The following R3HCC1L variants were observed in gnomAD, a reference collection of about 807,000 sequenced individuals.
R3HCC1L encodes the protein R3H domain and coiled-coil containing 1 like, also known as coiled-coil domain-containing protein R3HCC1L.
In R3HCC1L, 51 loss-of-function variants were observed where a neutral mutation model predicts 59.9. The observed-to-expected ratio is 0.85, with a 90% CI of 0.68 to 1.07. R3HCC1L has a LOEUF of 1.07. R3HCC1L is among the 50% of genes least tolerant of loss of function. The pLI, the probability that R3HCC1L is intolerant of heterozygous loss-of-function variation, is 0.00. For missense variants in R3HCC1L, 965 were observed against 933.0 expected (o/e 1.03, Z -0.45); for synonymous variants, 322 against 315.2 (o/e 1.02, Z -0.23).
intron 5 of R3HCC1L, among the ~76,000 whole-genome samples, chr10:98,220,380 T>C (rs1169828154): frequency 5.5e-5 from 8 of 146,368 alleles, no homozygotes; most frequent in Non-Finnish European, 1.1e-4. Context: ...CTTTTTTTTT[T>C]CCCATCTTTT....
intron 1 of R3HCC1L, among the ~76,000 whole-genome samples, chr10:98,141,378 A>G (rs17109002): frequency 0.041 from 6,272 of 152,236 alleles, 419 homozygotes; most frequent in African/African-American, 0.14. Context: ...ATTGGATTGG[A>G]CCTTCCTTAA....
At chr10:98,229,249 C>T (rs999708744) in intron 5 of R3HCC1L, among the ~76,000 whole-genome samples, 4 of 152,264 alleles carry the variant, frequency 2.6e-5, no homozygotes, top group Admixed American at 6.5e-5. Context: ...TTTGTATCCT[C>T]TTTTATTTCA....
intron 1 of R3HCC1L, among the ~76,000 whole-genome samples, chr10:98,152,409 C>T (rs530681748): frequency 1.4e-3 from 207 of 150,676 alleles, no homozygotes; most frequent in African/African-American, 4.8e-3. Flanking sequence ...TCTGCCTGGC[C>T]GCCCATCGTC....
At position 98,209,114 on chromosome 10, in the gene R3HCC1L, GAGA is replaced by G. The variant is rs770049034; in HGVS notation, c.1005_1007del (p.Lys335del). ...TAGTCCAGTAATGATTAGAGAATGT[GAGA>G]AGAATGACAGCACTGCTGATGAGTT... On this transcript the variant is annotated inframe_deletion, in exon 5 of 10. Transcript: ENST00000298999. 1.3e-5 allele frequency: 21 copies of G among 1,613,954 alleles called. No individual in the cohort carries two copies. Among genetic ancestry groups the G allele is most frequent in the African/African-American group, 4.0e-5 (3 of 74,922 alleles).
intron 6 of R3HCC1L, among the ~76,000 whole-genome samples, 169 bp downstream of exon 6, chr10:98,231,856 G>A (rs1352703466): frequency 1.3e-5 from 2 of 152,110 alleles, no homozygotes; most frequent in Non-Finnish European, 2.9e-5. Flanking sequence ...TTAAACTACT[G>A]TTCTAAGTTC....
intron 4 of R3HCC1L, among the ~76,000 whole-genome samples, chr10:98,194,974 T>G (rs1031773804): frequency 6.6e-6 from 1 of 152,140 alleles, no homozygotes; most frequent in African/African-American, 2.4e-5. Flanking sequence ...GGGTATATAT[T>G]CCGAGGGAAT....
intron 4 of R3HCC1L, among the ~76,000 whole-genome samples, chr10:98,173,257 A>G (rs965214763): frequency 1.3e-5 from 2 of 152,184 alleles, no homozygotes; most frequent in African/African-American, 4.8e-5. Context: ...TTTTGCAGGA[A>G]CATTGAGCCT....
At chr10:98,235,591 C>A in intron 8 of R3HCC1L, 71 bp downstream of exon 8, 1 of 1,129,614 alleles carries the variant, frequency 8.9e-7, no homozygotes, top group Non-Finnish European at 1.3e-6. Context: ...AGTTTTATAG[C>A]ATCCAGACAT....
chr10:98,136,929 G>A (rs1223428363), intron 1 of R3HCC1L, among the ~76,000 whole-genome samples: 1 of 152,224 alleles, frequency 6.6e-6, no homozygotes, highest in Non-Finnish European at 1.5e-5. Context: ...AAGTTTTTGG[G>A]GCTGGGCGCG....
At chr10:98,200,594 T>A (rs1011057088) in intron 4 of R3HCC1L, among the ~76,000 whole-genome samples, 8 of 152,096 alleles carry the variant, frequency 5.3e-5, no homozygotes, top group African/African-American at 1.9e-4. Context: ...ACTTTTGTAG[T>A]ATAGAATCTG....
At chr10:98,149,192 ATGGTCTCACT>A (rs1380527865) in intron 1 of R3HCC1L, among the ~76,000 whole-genome samples, 2 of 152,042 alleles carry the variant, frequency 1.3e-5, no homozygotes, top group African/African-American at 2.4e-5. Context: ...CTTTGTGTTT[ATGGTCTCACT>A]TGGTCTCACT....
Position 98,235,643 on chromosome 10 carries a change from T to C in R3HCC1L, c.2128+123T>C, listed in dbSNP as rs941401375. ...TTTATTTTTAGTGTTAAAAGAAATA[T>C]GTTTTTAAGAAAAAATAAATAAAAG... On this transcript the variant is annotated intron_variant, in intron 8 of 9. Transcript: ENST00000298999. 1.6e-5 allele frequency: 13 copies of C among 794,108 alleles called. No homozygotes were observed. In the Admixed American group the frequency reaches 3.8e-4, roughly 23 times the overall value. 49.2% of individuals were successfully genotyped at this position (794,108 alleles called of 1,614,324 possible). A position where few individuals can be genotyped will look rare whatever the true frequency, so the allele number is the denominator to read the frequency against.
At chr10:98,211,634 A>G (rs1477094606) in intron 5 of R3HCC1L, among the ~76,000 whole-genome samples, 1 of 152,194 alleles carries the variant, frequency 6.6e-6, no homozygotes, top group African/African-American at 2.4e-5. Flanking sequence ...GCTTCCTCCA[A>G]AAGAAGAGCG....
In R3HCC1L at chr10:98,236,129, G is replaced by A. The variant is rs151127984; in HGVS notation, c.2234G>A (p.Arg745Gln). Residue 745 changes from arginine to glutamine, a missense_variant, in exon 9 of 10, where the codon CGA becomes CAA. Transcript: ENST00000298999. ...GVRSKQSKTE[R>Q]EAELKKLQEA... is the part of the protein sequence containing the mutation. ...CGAAGTAAGCAGAGCAAAACCGAAC[G>A]AGAAGCAGAGCTCAAGAAACTGCAA... The A allele has an allele frequency of 4.5e-5, 73 of 1,613,860 alleles. No individual in the cohort carries two copies. The East Asian group carries it at 7.8e-4, about 17-fold the overall frequency.
chr10:98,232,207 C>G (rs1380538017), intron 6 of R3HCC1L, among the ~76,000 whole-genome samples: 1 of 152,104 alleles, frequency 6.6e-6, no homozygotes, highest in Non-Finnish European at 1.5e-5. Context: ...CCAGGTTAGT[C>G]TCAAACTCCT....
chr10:98,191,054 T>C (rs1436945359), intron 4 of R3HCC1L, among the ~76,000 whole-genome samples: 4 of 152,196 alleles, frequency 2.6e-5, no homozygotes, highest in Admixed American at 2.0e-4. Flanking sequence ...AGTTTATCAT[T>C]GATGGACATT....
intron 4 of R3HCC1L, among the ~76,000 whole-genome samples, chr10:98,181,448 C>G (rs1849612725): frequency 6.6e-6 from 1 of 152,160 alleles, no homozygotes; most frequent in East Asian, 1.9e-4. Context: ...CTGCCCTTAA[C>G]ATTTTTTCCT....
intron 5 of R3HCC1L, among the ~76,000 whole-genome samples, chr10:98,216,764 G>A (rs79352276): frequency 6.6e-6 from 1 of 152,130 alleles, no homozygotes; most frequent in East Asian, 1.9e-4. Context: ...ATTTTTTGTA[G>A]AGGAGGACTC....
At position 98,209,445 on chromosome 10, in the gene R3HCC1L, C is replaced by A. The variant is rs1334151433; in HGVS notation, c.1331C>A (p.Ser444Ter). Reference protein sequence around the residue: ...TEDFSNPSACSDIYGESISSH... With the variant: ...TEDFSNPSAC ...GATTTCAGCAACCCTTCTGCTTGCT[C>A]AGATATTTATGGTGAGAGTATTTCA... Residue 444 changes from serine (S) to a stop codon, truncating the protein, a stop_gained, in exon 5 of 10, where the codon TCA becomes TAA. Coordinates refer to ENST00000298999, the MANE Select transcript of R3HCC1L (RefSeq NM_001351015.2). LOFTEE classifies it high-confidence loss of function. 1 of 1,613,476 alleles carries A rather than the reference C, an allele frequency of 6.2e-7. No individual in the cohort carries two copies.
Sources: allele counts gnomAD v4.1 joint callset (sites outside exome capture counted in the v4.1 genomes callset), GRCh38; gene constraint gnomAD v4.1.1; transcripts MANE v1.5; gene names NCBI Gene and HGNC (gene_info 2026-07-23, HGNC 2026-07-21).